The following IL1R1 variants were observed in gnomAD, a reference collection of about 807,000 sequenced individuals.
IL1R1 encodes interleukin-1 receptor type 1.
IL1R1 carries 22 observed loss-of-function variants against 50.2 expected under a neutral mutation model. The observed-to-expected ratio is 0.44, with a 90% CI of 0.31 to 0.63. The LOEUF (loss-of-function observed/expected upper bound fraction) is 0.63. Among genes scored for constraint, IL1R1 ranks in the 20% least tolerant of loss-of-function variants. The pLI, the probability that IL1R1 is intolerant of heterozygous loss-of-function variation, is 0.07. For synonymous variants in IL1R1, 251 were observed against 236.7 expected, an observed-to-expected ratio of 1.06 and a Z score of -0.55; for missense variants, 509 against 676.2, an observed-to-expected ratio of 0.75 and a Z score of 2.74.
chr2:102,122,851 C>T (rs1681475721), intron 1 of IL1R1, among the ~76,000 whole-genome samples: 1 of 152,224 alleles, frequency 6.6e-6, no homozygotes, highest in Non-Finnish European at 1.5e-5. Context: ...TTGACTCCAT[C>T]TATAACACAT....
chr2:102,163,732 T>G (rs1242952613), intron 3 of IL1R1, among the ~76,000 whole-genome samples: 1 of 152,228 alleles, frequency 6.6e-6, no homozygotes, highest in Non-Finnish European at 1.5e-5. Context: ...TATCGTTGGT[T>G]GTATGTTACT....
At chr2:102,119,019 A>AAAAAAAAAAAAAAAAAAAAAAAAAC (rs1681252635) in intron 1 of IL1R1, among the ~76,000 whole-genome samples, 1 of 101,722 alleles carries the variant, frequency 9.8e-6, no homozygotes, top group Non-Finnish European at 2.2e-5. Flanking sequence ...CTGTGTCTCA[A>AAAAAAAAAAAAAAAAAAAAAAAAAC]AAAAAAAAAA....
At chr2:102,164,387 C>G (rs1446376499) in intron 3 of IL1R1, among the ~76,000 whole-genome samples, 1 of 152,086 alleles carries the variant, frequency 6.6e-6, no homozygotes, top group Non-Finnish European at 1.5e-5. Context: ...TTCTGATGTT[C>G]AATGTCTTGA....
chr2:102,091,416 A>C (rs982568191), intron 1 of IL1R1, among the ~76,000 whole-genome samples: 1 of 152,180 alleles, frequency 6.6e-6, no homozygotes, highest in Non-Finnish European at 1.5e-5. Context: ...GATAAAGTGG[A>C]AGTGGATTTT....
intron 1 of IL1R1, among the ~76,000 whole-genome samples, chr2:102,089,535 T>C (rs1679568133): frequency 6.6e-6 from 1 of 152,186 alleles, no homozygotes; most frequent in Non-Finnish European, 1.5e-5. Context: ...AGTTACCACA[T>C]GCTGTTGGAA....
At chr2:102,127,424 C>A (rs1395901579) in intron 1 of IL1R1, among the ~76,000 whole-genome samples, 2 of 152,132 alleles carry the variant, frequency 1.3e-5, no homozygotes. Flanking sequence ...CACATTTATT[C>A]ATCCAATAAA....
intron 2 of IL1R1, 51 bp from the exon 3 acceptor site, chr2:102,157,668 G>GA: frequency 8.2e-7 from 1 of 1,221,438 alleles, no homozygotes; most frequent in East Asian, 2.3e-5. Flanking sequence ...AGATTTGCTG[G>GA]AAAAGTAACA....
Position 102,171,820 on chromosome 2 carries a change from C to T in IL1R1, c.741C>T (p.Ile247=), listed in dbSNP as rs1685696267. 1.3e-6 allele frequency: 2 copies of T among 1,598,710 alleles called. No individual in the cohort carries two copies. Among genetic ancestry groups the T allele is most frequent in the African/African-American group, 2.7e-5 (2 of 74,558 alleles). ...EVDLGSQIQL[I]CNVTGQLSDI... Reference sequence around the variant, plus strand: ...TTGCAGGATCCCAGATACAATTGATCTGTAATGTCACCGGCCAGTTGAGTG... The same window carrying T: ...TTGCAGGATCCCAGATACAATTGATTTGTAATGTCACCGGCCAGTTGAGTG... Residue 247 remains isoleucine (I), a synonymous_variant, in exon 8 of 12, where the codon ATC becomes ATT. Transcript: ENST00000410023.
chr2:102,103,554 T>C (rs1680245489), upstream of IL1R1, among the ~76,000 whole-genome samples: 1 of 152,182 alleles, frequency 6.6e-6, no homozygotes, highest in Non-Finnish European at 1.5e-5. Context: ...TGAGACCAGA[T>C]GTCTGAAGAC....
chr2:102,074,916 AT>A (rs1465263777), intron 1 of IL1R1, among the ~76,000 whole-genome samples: 4 of 152,158 alleles, frequency 2.6e-5, no homozygotes, highest in Non-Finnish European at 5.9e-5. Context: ...AAACAATGAC[AT>A]TTTATTAAAT....
chr2:102,082,237 ATAAAT>A (rs1247039629), intron 1 of IL1R1, among the ~76,000 whole-genome samples: 1 of 152,168 alleles, frequency 6.6e-6, no homozygotes, highest in Non-Finnish European at 1.5e-5. Context: ...AAGGATAAAT[ATAAAT>A]TAAAGGATAA....
chr2:102,143,317 G>A (rs1448553518), intron 1 of IL1R1, among the ~76,000 whole-genome samples: 3 of 152,122 alleles, frequency 2.0e-5, no homozygotes, highest in Non-Finnish European at 4.4e-5. Flanking sequence ...TTTTCTATCC[G>A]GCTACGTTCT....
intron 1 of IL1R1, among the ~76,000 whole-genome samples, chr2:102,149,170 G>T (rs1018963502): frequency 2.0e-4 from 30 of 152,060 alleles, no homozygotes; most frequent in Admixed American, 2.6e-4. Flanking sequence ...ATAAGTTGGA[G>T]CCTAATTTTC....
At chr2:102,092,646 A>T (rs1679723632) in intron 1 of IL1R1, among the ~76,000 whole-genome samples, 1 of 152,202 alleles carries the variant, frequency 6.6e-6, no homozygotes, top group Non-Finnish European at 1.5e-5. Flanking sequence ...TGCACGCCTC[A>T]TATAAACTCC....
chr2:102,100,711 AG>A (rs771020947), upstream of IL1R1, among the ~76,000 whole-genome samples: 33 of 152,270 alleles, frequency 2.2e-4, no homozygotes, highest in Non-Finnish European at 3.1e-4. Context: ...TCATTCATCT[AG>A]AATCTTTCCC....
intron 1 of IL1R1, among the ~76,000 whole-genome samples, chr2:102,124,019 T>G (rs150873291): frequency 9.2e-4 from 140 of 152,138 alleles, no homozygotes; most frequent in African/African-American, 3.0e-3. Flanking sequence ...CTAAGTAAAG[T>G]ACTCACACAC....
chr2:102,108,220 G>A (rs1027780597), intron 1 of IL1R1, among the ~76,000 whole-genome samples: 1 of 142,196 alleles, frequency 7.0e-6, no homozygotes, highest in African/African-American at 2.7e-5. Flanking sequence ...GTGTGTGTGT[G>A]TGTATGTATG....
At chr2:102,099,189 G>C (rs28432036) in intron 1 of IL1R1, among the ~76,000 whole-genome samples, 8,835 of 152,186 alleles carry the variant, frequency 0.058, 535 homozygotes, top group African/African-American at 0.15. Flanking sequence ...TTTTCCCATA[G>C]TAGGCTTGGT....
rs527622465 is a variant in IL1R1, at chr2:102,111,001, G to T, written c.-84+6129G>T. On this transcript the variant is annotated intron_variant, in intron 1 of 10. Coordinates refer to the IL1R1 transcript ENST00000409329. ...TGAGAAGGAGCCAGCCAGACAGAGG[G>T]CAGAGGAAGCAGAGCATAAAAACCC... 2.6e-5 allele frequency among the ~76,000 whole-genome samples: 4 copies of T among 152,278 alleles called. No individual in the cohort carries two copies. In the East Asian group the frequency reaches 7.7e-4, roughly 29 times the overall value.
Sources: allele counts gnomAD v4.1 joint callset (sites outside exome capture counted in the v4.1 genomes callset), GRCh38; gene constraint gnomAD v4.1.1; transcripts MANE v1.5; gene names NCBI Gene and HGNC (gene_info 2026-07-23, HGNC 2026-07-21).